The following ATXN7 variants were observed in gnomAD, a reference collection of about 807,000 sequenced individuals.
ATXN7 encodes ataxin-7.
A neutral mutation model predicts 70.5 loss-of-function variants in ATXN7; 12 were observed. The ratio of observed to expected loss-of-function variants is 0.17; its 90% CI spans 0.11 to 0.28. The LOEUF (loss-of-function observed/expected upper bound fraction) is 0.28, where lower values mean the gene tolerates loss of function less well. Among genes scored for constraint, ATXN7 ranks in the 10% least tolerant of loss-of-function variants. ATXN7 has a pLI of 1.00. For synonymous variants in ATXN7, 498 were observed against 448.7 expected, an observed-to-expected ratio of 1.11 and a Z score of -1.39; for missense variants, 1,256 against 1,131.7, an observed-to-expected ratio of 1.11 and a Z score of -1.58.
Position 63,999,506 on chromosome 3 carries a change from T to C in ATXN7, c.*39T>C. 6.2e-7 allele frequency: 1 copy of C among 1,612,780 alleles called. No individual in the cohort carries two copies. Among genetic ancestry groups the C allele is most frequent in the South Asian group, 1.1e-5 (1 of 90,652 alleles). ...CACGGGGAGGAATAATGCGGACACT[T>C]TTGAGGACAAGTTACACCTCCACTC... On this transcript the variant is annotated 3_prime_UTR_variant, in exon 13 of 13. Transcript: ENST00000674280.
At chr3:63,870,360 A>AT (rs1164922671) in intron 1 of ATXN7, among the ~76,000 whole-genome samples, 2 of 152,166 alleles carry the variant, frequency 1.3e-5, no homozygotes, top group Non-Finnish European at 2.9e-5. Flanking sequence ...AGATGCATAG[A>AT]TTTGTGGCAT....
chr3:63,900,261 A>G (rs928045676), intron 2 of ATXN7, among the ~76,000 whole-genome samples: 1 of 152,252 alleles, frequency 6.6e-6, no homozygotes, highest in Admixed American at 6.5e-5. Flanking sequence ...TACTTAGGCA[A>G]CAAATGTGAT....
At chr3:63,984,743 G>GC (rs2075546379) in intron 8 of ATXN7, among the ~76,000 whole-genome samples, 1 of 152,200 alleles carries the variant, frequency 6.6e-6, no homozygotes, top group Non-Finnish European at 1.5e-5. Flanking sequence ...TGTTCATCTT[G>GC]CTATAACTGA....
chr3:63,942,583 G>C (rs1411153283), intron 4 of ATXN7, among the ~76,000 whole-genome samples: 2 of 152,112 alleles, frequency 1.3e-5, no homozygotes, highest in African/African-American at 4.8e-5. Flanking sequence ...GTGCATAAAT[G>C]AATGAATGAT....
At position 63,980,010 on chromosome 3, in the gene ATXN7, A is replaced by G; in HGVS notation, c.595A>G (p.Ser199Gly). Residue 199 changes from serine (S) to glycine (G), a missense_variant, in exon 6 of 13, where the codon AGT (serine) becomes GGT (glycine). By Grantham distance (56) the Ser-to-Gly change is moderately conservative (BLOSUM62 0). Coordinates refer to ENST00000674280, the MANE Select transcript of ATXN7 (RefSeq NM_001377405.1). ...TTCTCTGTCCAAAAGCAAAGGAGGC[A>G]GTGCAAGTGGAAGCAACCGTTCTTC... ...FPSLSKSKGGSASGSNRSSSG... is the reference protein window; with the variant it reads ...FPSLSKSKGGGASGSNRSSSG... 6.2e-7 allele frequency: 1 copy of G among 1,614,204 alleles called. No homozygotes were observed. Among genetic ancestry groups the G allele is most frequent in the Non-Finnish European group, 8.5e-7 (1 of 1,180,032 alleles).
chr3:63,970,504 AAT>A, intron 5 of ATXN7, among the ~76,000 whole-genome samples: 1 of 152,140 alleles, frequency 6.6e-6, no homozygotes, highest in East Asian at 1.9e-4. Context: ...TTTTCAATAA[AAT>A]ATTTGGATTT....
intron 6 of ATXN7, chr3:63,980,420 C>CT (rs1489426050): frequency 1.1e-5 from 6 of 530,334 alleles, no homozygotes; most frequent in Non-Finnish European, 2.0e-5. Context: ...AAACCTAACT[C>CT]TATGTGTGTA....
At position 63,999,622 on chromosome 3, in the gene ATXN7, G is replaced by C. The variant is rs771725606; in HGVS notation, c.*155G>C. 2.2e-6 allele frequency: 3 copies of C among 1,368,608 alleles called. No homozygotes were observed. The highest frequency in any genetic ancestry group is 3.1e-6 in the Non-Finnish European group (3 of 980,156). 84.8% of individuals were successfully genotyped at this position (1,368,608 alleles called of 1,614,324 possible). ...AAACCTGCCGGGCTGTTGTTTTAAC[G>C]AGGATTTCCCTGAAGCTATGTCTCT... On this transcript the variant is annotated 3_prime_UTR_variant, in exon 13 of 13. Coordinates refer to ENST00000674280, the MANE Select transcript of ATXN7 (RefSeq NM_001377405.1).
rs1415488743 is a variant in ATXN7 at position 63,980,047 on chromosome 3, T to C, written c.632T>C (p.Val211Ala). Residue 211 changes from valine (V) to alanine (A), a missense_variant, in exon 6 of 13, where the codon GTT becomes GCT. Coordinates refer to ENST00000674280, the MANE Select transcript of ATXN7 (RefSeq NM_001377405.1). Reference protein sequence around the residue: ...SGSNRSSSGGVLSASSSSSKL... With the variant: ...SGSNRSSSGGALSASSSSSKL... ...AGCAACCGTTCTTCCAGTGGAGGTGTTCTTAGCGCATCCTCATCAAGTTCC... is the reference window on the plus strand; with the variant it reads ...AGCAACCGTTCTTCCAGTGGAGGTGCTCTTAGCGCATCCTCATCAAGTTCC... The C allele has an allele frequency of 1.9e-6, 3 of 1,614,084 alleles. No individual in the cohort carries two copies. In the African/African-American group the frequency reaches 4.0e-5, roughly 22 times the overall value.
In ATXN7 at chr3:63,863,888, C is replaced by G. The variant is rs1369728331; in HGVS notation, c.-381C>G. The G allele has an allele frequency of 5.2e-6, 6 of 1,152,080 alleles. No individual in the cohort carries two copies. Among genetic ancestry groups the G allele is most frequent in the Non-Finnish European group, 6.4e-6 (6 of 939,022 alleles). The allele number at this position is 1,152,080 out of a possible 1,614,324, so 71.4% of individuals were successfully genotyped here. A position where few individuals can be genotyped will look rare whatever the true frequency, so the allele number is the denominator to read the frequency against. On this transcript the variant is annotated 5_prime_UTR_variant, in exon 1 of 13. Transcript: ENST00000674280. The stretch of plus-strand genomic sequence containing the variant: ...TCCCACAATGCAGCCGGGTAAACAG[C>G]CATGGAGGAGGAGGCGGCGGCGCCC...
At chr3:63,930,819 C>T (rs1260912202) in intron 4 of ATXN7, among the ~76,000 whole-genome samples, 2 of 152,124 alleles carry the variant, frequency 1.3e-5, no homozygotes, top group East Asian at 1.9e-4. Context: ...CATGAGCCAC[C>T]GCACCCGGCA....
At chr3:63,973,393 G>A (rs1559651953) in intron 5 of ATXN7, among the ~76,000 whole-genome samples, 1 of 152,098 alleles carries the variant, frequency 6.6e-6, no homozygotes, top group Admixed American at 6.5e-5. Context: ...TATTGAGCAG[G>A]TGTTTGCTGA....
chr3:63,934,920 G>T (rs865856776), intron 4 of ATXN7, among the ~76,000 whole-genome samples: 2 of 152,202 alleles, frequency 1.3e-5, no homozygotes, highest in South Asian at 4.1e-4. Context: ...TGTGTTAGCA[G>T]CCTCTCTGGC....
At chr3:63,991,390 G>A (rs2075669662) in intron 11 of ATXN7, among the ~76,000 whole-genome samples, 1 of 148,238 alleles carries the variant, frequency 6.7e-6, no homozygotes, top group African/African-American at 2.5e-5. Flanking sequence ...ATTGAACCTA[G>A]AGGTAACATG....
chr3:63,913,321 C>G, intron 4 of ATXN7, 96 bp downstream of exon 4: 1 of 1,232,364 alleles, frequency 8.1e-7, no homozygotes, highest in Non-Finnish European at 1.2e-6. Context: ...CATACCGACT[C>G]CCCGACTCCC....
chr3:63,892,060 G>A (rs887638219), intron 1 of ATXN7, among the ~76,000 whole-genome samples: 1 of 152,150 alleles, frequency 6.6e-6, no homozygotes, highest in African/African-American at 2.4e-5. Flanking sequence ...AAACAAGACA[G>A]TGCATGTACA....
At position 63,999,813 on chromosome 3, in the gene ATXN7, G is replaced by T; in HGVS notation, c.*346G>T. On this transcript the variant is annotated 3_prime_UTR_variant, in exon 13 of 13. Coordinates refer to ENST00000674280, the MANE Select transcript of ATXN7 (RefSeq NM_001377405.1). ...ACAGAGCCACTCTTCAAGTAGATTGGCTGGGCAAAAGAATGTTTTGGCAAG... is the reference window on the plus strand; with the variant it reads ...ACAGAGCCACTCTTCAAGTAGATTGTCTGGGCAAAAGAATGTTTTGGCAAG... The T allele has an allele frequency of 2.3e-6, 1 of 434,048 alleles. No individual in the cohort carries two copies. The highest frequency in any genetic ancestry group is 2.0e-5 in the African/African-American group (1 of 50,616). The allele number at this position is 434,048 out of a possible 1,614,324, so 26.9% of individuals were successfully genotyped here.
intron 4 of ATXN7, among the ~76,000 whole-genome samples, chr3:63,916,066 TAGAA>T (rs1704254590): frequency 6.6e-6 from 1 of 152,222 alleles, no homozygotes; most frequent in Non-Finnish European, 1.5e-5. Context: ...ACCTAGGGGT[TAGAA>T]AGCCTGGATG....
At position 63,996,493 on chromosome 3, in the gene ATXN7, G is replaced by A. The variant is rs2075762125; in HGVS notation, c.2661+10G>A. On this transcript the variant is annotated intron_variant, in intron 12 of 12. Coordinates refer to ENST00000674280, the MANE Select transcript of ATXN7 (RefSeq NM_001377405.1). ...TTCCCTCCTTCATCAGGTAGGAAAT[G>A]GACTGTGAGCCCCATGGGAATGCCC... The A allele has an allele frequency of 6.2e-7, 1 of 1,612,826 alleles. No individual in the cohort carries two copies. The highest frequency in any genetic ancestry group is 8.5e-7 in the Non-Finnish European group (1 of 1,179,088).
Sources: gnomAD v4.1 joint callset for allele counts (sites outside exome capture counted in the v4.1 genomes callset) on GRCh38, gnomAD v4.1.1 for gene constraint, MANE v1.5 for transcripts, NCBI Gene and HGNC (gene_info 2026-07-23, HGNC 2026-07-21) for gene names.